Variants in CPNE4 observed in about 807,000 individuals in gnomAD.
The protein encoded by CPNE4 is copine-4.
In CPNE4, 25 loss-of-function variants were observed where a neutral mutation model predicts 67.9. The observed-to-expected ratio is 0.37, with a 90% confidence interval of 0.27 to 0.51. The LOEUF is 0.51. Ranked by LOEUF, CPNE4 falls within the 20% of genes least tolerant of loss-of-function variation. The pLI, the probability that CPNE4 is intolerant of heterozygous loss-of-function variation, is 0.93. For synonymous variants in CPNE4, 242 were observed against 244.9 expected (o/e 0.99, Z 0.11); for missense variants, 464 against 690.8 (o/e 0.67, Z 3.68).
At chr3:131,739,575 A>C (rs2082313220) in intron 2 of CPNE4, among the ~76,000 whole-genome samples, 1 of 152,240 alleles carries the variant, frequency 6.6e-6, no homozygotes, top group Non-Finnish European at 1.5e-5. Flanking sequence ...TGACTATAGG[A>C]AAGTAGACAG....
chr3:131,647,088 T>TCC (rs1455857000), intron 7 of CPNE4, among the ~76,000 whole-genome samples: 1 of 152,144 alleles, frequency 6.6e-6, no homozygotes, highest in African/African-American at 2.4e-5. Flanking sequence ...GTAAAATAGC[T>TCC]CCTATCCACT....
At chr3:131,578,168 C>T (rs1280129839) in intron 9 of CPNE4, among the ~76,000 whole-genome samples, 1 of 152,066 alleles carries the variant, frequency 6.6e-6, no homozygotes, top group Non-Finnish European at 1.5e-5. Flanking sequence ...GCCATTTTCC[C>T]AACAGTATGT....
intron 1 of CPNE4, among the ~76,000 whole-genome samples, chr3:131,921,433 C>T (rs1051010917): frequency 2.6e-5 from 4 of 152,196 alleles, no homozygotes; most frequent in African/African-American, 9.6e-5. Context: ...AATACTTGAT[C>T]GTGTGCCATG....
intron 1 of CPNE4, among the ~76,000 whole-genome samples, chr3:131,934,032 T>C (rs2071146592): frequency 6.6e-6 from 1 of 152,280 alleles, no homozygotes; most frequent in African/African-American, 2.4e-5. Flanking sequence ...CCTACGTTTA[T>C]AGTGTGAGCT....
At chr3:131,759,001 G>T (rs2082824117) in intron 2 of CPNE4, among the ~76,000 whole-genome samples, 1 of 152,260 alleles carries the variant, frequency 6.6e-6, no homozygotes, top group Non-Finnish European at 1.5e-5. Flanking sequence ...TATCAGCAGA[G>T]TGAAAACATA....
chr3:131,953,021 GTTAAACAGATGC>G (rs1424987143), intron 1 of CPNE4, among the ~76,000 whole-genome samples: 1 of 151,922 alleles, frequency 6.6e-6, no homozygotes, highest in Non-Finnish European at 1.5e-5. Context: ...GATGTGCTTT[GTTAAACAGATGC>G]TTGAAGGCAG....
At chr3:131,690,731 T>TA (rs34676188) in intron 5 of CPNE4, among the ~76,000 whole-genome samples, 88,032 of 149,832 alleles carry the variant, frequency 0.59, 26,425 homozygotes, top group Middle Eastern at 0.66. Context: ...TCTGCACAGT[T>TA]AAAAAAAAAA....
intron 1 of CPNE4, among the ~76,000 whole-genome samples, chr3:131,940,034 G>A (rs2071340317): frequency 1.3e-5 from 2 of 152,088 alleles, no homozygotes; most frequent in African/African-American, 4.8e-5. Context: ...TGTGTTTTGT[G>A]TTACCTGTTT....
intron 10 of CPNE4, among the ~76,000 whole-genome samples, chr3:131,571,948 C>CTT (rs1235759395): frequency 6.7e-6 from 1 of 149,794 alleles, no homozygotes; most frequent in African/African-American, 2.4e-5. Context: ...TACATAAATA[C>CTT]TTAAGTTTAT....
intron 2 of CPNE4, among the ~76,000 whole-genome samples, chr3:131,845,862 A>G (rs979383848): frequency 2.0e-5 from 3 of 152,204 alleles, no homozygotes; most frequent in Non-Finnish European, 4.4e-5. Context: ...AAAATTCTGG[A>G]TATTTACATG....
At chr3:131,806,360 C>T (rs138006690) in intron 2 of CPNE4, among the ~76,000 whole-genome samples, 43 of 152,096 alleles carry the variant, frequency 2.8e-4, no homozygotes, top group African/African-American at 1.0e-3. Context: ...ACCATCCTGG[C>T]TAACATGGTG....
At position 131,699,895 on chromosome 3, in the gene CPNE4, G is replaced by A. The variant is rs2081250181; in HGVS notation, c.432+14C>T. On this transcript the variant is annotated intron_variant, in intron 4 of 15. Coordinates refer to ENST00000429747, the MANE Select transcript of CPNE4 (RefSeq NM_130808.3). The stretch of plus-strand genomic sequence containing the variant: ...CCACTCAGGCAGACAGCTGCTTAGG[G>A]AGTGCCTGCTTACCGTGATGGAAGA... 1 of 1,610,602 alleles carries A rather than the reference G, an allele frequency of 6.2e-7. No individual in the cohort carries two copies. Among genetic ancestry groups the A allele is most frequent in the South Asian group, 1.1e-5 (1 of 90,750 alleles).
intron 1 of CPNE4, among the ~76,000 whole-genome samples, chr3:131,935,214 C>T (rs982580510): frequency 1.3e-5 from 2 of 152,068 alleles, no homozygotes; most frequent in Non-Finnish European, 2.9e-5. Flanking sequence ...TTCAGTTTGG[C>T]TGGGATCAGG....
At chr3:131,655,044 G>T (rs1381113472) in intron 7 of CPNE4, among the ~76,000 whole-genome samples, 1 of 152,154 alleles carries the variant, frequency 6.6e-6, no homozygotes, top group African/African-American at 2.4e-5. Context: ...AGATAAACTT[G>T]TTTTCATAAA....
At chr3:131,686,995 A>C (rs4854620) in intron 5 of CPNE4, among the ~76,000 whole-genome samples, 138,577 of 152,220 alleles carry the variant, frequency 0.91, 63,318 homozygotes, top group African/African-American at 0.98. Flanking sequence ...GGCTTCCCAG[A>C]CTTTCTATCC....
intron 14 of CPNE4, 52 bp downstream of exon 14, chr3:131,549,895 C>T: frequency 5.0e-6 from 8 of 1,600,174 alleles, no homozygotes; most frequent in Admixed American, 1.7e-5. Context: ...CGGCCAATAT[C>T]CAGGTGAGGA....
chr3:131,847,561 A>G (rs1379990974), intron 2 of CPNE4, among the ~76,000 whole-genome samples: 1 of 152,136 alleles, frequency 6.6e-6, no homozygotes, highest in East Asian at 1.9e-4. Context: ...GGTTGCTGCT[A>G]ATTAGGTATT....
chr3:131,655,717 C>T (rs1488104548), intron 7 of CPNE4, among the ~76,000 whole-genome samples: 1 of 152,090 alleles, frequency 6.6e-6, no homozygotes, highest in Non-Finnish European at 1.5e-5. Context: ...CCAAAGGATG[C>T]TCTTTCTTTT....
At chr3:132,005,326 T>TAC (rs2073562876) in intron 1 of CPNE4, among the ~76,000 whole-genome samples, 9 of 27,392 alleles carry the variant, frequency 3.3e-4, no homozygotes, top group Non-Finnish European at 7.3e-4. Context: ...TATATATATA[T>TAC]ATATATATAT....
Sources: gnomAD v4.1 joint callset for allele counts (sites outside exome capture counted in the v4.1 genomes callset) on GRCh38, gnomAD v4.1.1 for gene constraint, MANE v1.5 for transcripts, NCBI Gene and HGNC (gene_info 2026-07-23, HGNC 2026-07-21) for gene names.